The following GNL3L variants were observed in gnomAD, a reference collection of about 807,000 sequenced individuals.
GNL3L encodes guanine nucleotide-binding protein-like 3-like protein.
Under a neutral mutation model 42.9 loss-of-function variants are expected in GNL3L, and 4 were observed. That is an observed-to-expected ratio of 0.09 (90% CI 0.05 to 0.21). The LOEUF (loss-of-function observed/expected upper bound fraction) is 0.21, where lower values mean the gene tolerates loss of function less well. Among genes scored for constraint, GNL3L ranks in the 10% least tolerant of loss-of-function variants. GNL3L has a pLI of 1.00. For missense variants in GNL3L, 412 were observed against 481.7 expected (o/e 0.86, Z 1.36); for synonymous variants, 159 against 176.3 (o/e 0.90, Z 0.78).
chrX:54,545,457 TG>T (rs780416514), intron 8 of GNL3L, among the ~76,000 whole-genome samples: 1 of 111,125 alleles, frequency 9.0e-6, no homozygotes, highest in Non-Finnish European at 1.9e-5. Flanking sequence ...CTACCAGCCT[TG>T]GCTTCCCAAA....
chrX:54,534,894 T>C (rs1483498532), intron 2 of GNL3L, among the ~76,000 whole-genome samples: 1 of 111,007 alleles, frequency 9.0e-6, no homozygotes, highest in Non-Finnish European at 1.9e-5. Context: ...AGGCACTCAG[T>C]TTCCAGGGAA....
chrX:54,625,868 T>C (rs891056378), downstream of GNL3L, among the ~76,000 whole-genome samples: 1 of 104,409 alleles, frequency 9.6e-6, no homozygotes, highest in Non-Finnish European at 1.9e-5. Flanking sequence ...TATATGTGTA[T>C]ATACATATAT....
downstream of GNL3L, among the ~76,000 whole-genome samples, chrX:54,624,175 C>T (rs1016833078): frequency 9.0e-5 from 10 of 111,574 alleles, no homozygotes; most frequent in Non-Finnish European, 1.7e-4. Flanking sequence ...CCCGCCTCGG[C>T]CTCCCTAAGT....
chrX:54,643,228 A>T, the GNL3L span, among the ~76,000 whole-genome samples: 1 of 111,490 alleles, frequency 9.0e-6, no homozygotes, highest in African/African-American at 3.3e-5. Context: ...ATTTAATTGG[A>T]TGTCTTTTAG....
At chrX:54,541,820 G>C (rs1400075090) in intron 5 of GNL3L, among the ~76,000 whole-genome samples, 2 of 111,613 alleles carry the variant, frequency 1.8e-5, no homozygotes, top group East Asian at 2.8e-4. Context: ...TTCACACACA[G>C]AATACACGCT....
chrX:54,581,429 G>T (rs1478974300), intron 16 of GNL3L, among the ~76,000 whole-genome samples: 1 of 111,015 alleles, frequency 9.0e-6, no homozygotes, highest in East Asian at 2.8e-4. Flanking sequence ...TAGAGATGGG[G>T]TCTTGCTGTT....
chrX:54,588,085 C>T (rs1043490433), intron 16 of GNL3L, among the ~76,000 whole-genome samples: 1 of 112,137 alleles, frequency 8.9e-6, no homozygotes, highest in Non-Finnish European at 1.9e-5. Context: ...GCTAAACTCA[C>T]TAATGTGTAC....
rs1454717192 is a variant in GNL3L, at chrX:54,619,814, A to G, written c.*46-1031A>G. 5.4e-5 allele frequency among the ~76,000 whole-genome samples: 6 copies of G among 111,683 alleles called. No homozygotes were observed. The East Asian group carries it at 1.4e-3, about 26-fold the overall frequency. On this transcript the variant is annotated intron_variant, in intron 16 of 16. Coordinates refer to the GNL3L transcript ENST00000674498. ...AGTCCACAGAAAGACTGAGGCAACCATTAGCATTGCTAGAGGATGATGCAG... is the reference window on the plus strand; with the variant it reads ...AGTCCACAGAAAGACTGAGGCAACCGTTAGCATTGCTAGAGGATGATGCAG...
intron 9 of GNL3L, among the ~76,000 whole-genome samples, chrX:54,548,870 C>T (rs962916862): frequency 9.0e-6 from 1 of 111,131 alleles, no homozygotes; most frequent in African/African-American, 3.3e-5. Context: ...GAGCTAGACA[C>T]TGAGAAGGTA....
intron 4 of GNL3L, 129 bp downstream of exon 4, chrX:54,540,371 A>AG (rs1427499746): frequency 2.1e-6 from 1 of 487,405 alleles, no homozygotes. Flanking sequence ...GCCGGGAGAG[A>AG]GGGAGGTTAC....
the GNL3L span, among the ~76,000 whole-genome samples, chrX:54,643,087 A>G: frequency 8.0e-5 from 9 of 111,943 alleles, no homozygotes; most frequent in South Asian, 3.7e-4. Flanking sequence ...GTTTACACCA[A>G]TGAAAGTTCT....
At chrX:54,552,130 T>C (rs755737609) in intron 12 of GNL3L, among the ~76,000 whole-genome samples, 156 bp downstream of exon 12, 1 of 112,550 alleles carries the variant, frequency 8.9e-6, no homozygotes, top group East Asian at 2.8e-4. Flanking sequence ...CGAGACTTTA[T>C]GCCCAGTGAT....
chrX:54,594,579 T>G (rs963381522), intron 16 of GNL3L, among the ~76,000 whole-genome samples: 6 of 108,823 alleles, frequency 5.5e-5, no homozygotes, highest in African/African-American at 1.7e-4. Context: ...TCAGCCACTC[T>G]GTCTTTGGAT....
Position 54,612,259 on chromosome X carries a change from G to A in GNL3L, c.*46-8586G>A, listed in dbSNP as rs758750772. On this transcript the variant is annotated intron_variant, in intron 16 of 16. Transcript: ENST00000674498. The stretch of plus-strand genomic sequence containing the variant: ...ATAGCTACCCCTGCTTGCTTTTGGT[G>A]TCCATTTGCATGAAATGCCTTTTCC... 1.3e-3 allele frequency among the ~76,000 whole-genome samples: 144 copies of A among 111,471 alleles called. 1 individual carries two copies. Among genetic ancestry groups the A allele is most frequent in the African/African-American group, 4.3e-3 (131 of 30,660 alleles).
intron 16 of GNL3L, among the ~76,000 whole-genome samples, chrX:54,590,348 A>T (rs1489167845): frequency 1.8e-5 from 2 of 112,282 alleles, no homozygotes; most frequent in African/African-American, 6.5e-5. Context: ...TGCCATGTAT[A>T]TGTCTTCTTT....
At chrX:54,534,911 C>T (rs1335866125) in intron 2 of GNL3L, among the ~76,000 whole-genome samples, 1 of 111,112 alleles carries the variant, frequency 9.0e-6, no homozygotes, top group Admixed American at 9.7e-5. Context: ...GGAAGTTAGG[C>T]AGATGGAAAT....
intron 16 of GNL3L, among the ~76,000 whole-genome samples, chrX:54,598,556 A>G (rs1165058875): frequency 8.9e-6 from 1 of 112,261 alleles, no homozygotes; most frequent in Non-Finnish European, 1.9e-5. Flanking sequence ...AAACTCAGAT[A>G]TGATACAGAT....
At chrX:54,573,463 T>G (rs1925588144) in intron 16 of GNL3L, among the ~76,000 whole-genome samples, 1 of 110,454 alleles carries the variant, frequency 9.1e-6, no homozygotes, top group Non-Finnish European at 1.9e-5. Context: ...AGCAGTATAG[T>G]CCAGCTTCGG....
At chrX:54,571,550 G>A (rs780936763), downstream of GNL3L, among the ~76,000 whole-genome samples, 3 of 100,413 alleles carry the variant, frequency 3.0e-5, no homozygotes, top group South Asian at 1.5e-3. Context: ...ACTCAGGCTG[G>A]TCTCAAATTC....
Sources: allele counts gnomAD v4.1 joint callset (sites outside exome capture counted in the v4.1 genomes callset), GRCh38; gene constraint gnomAD v4.1.1; transcripts MANE v1.5; gene names NCBI Gene and HGNC (gene_info 2026-07-23, HGNC 2026-07-21).